The following TSC22D2 variants were observed in gnomAD, a reference collection of about 807,000 sequenced individuals.
The protein encoded by TSC22D2 is TSC22 domain family member 2.
Under a neutral mutation model 50.1 loss-of-function variants are expected in TSC22D2, and 5 were observed. That is an observed-to-expected ratio of 0.10 (90% CI 0.05 to 0.21). The LOEUF (loss-of-function observed/expected upper bound fraction) is 0.21, where lower values mean the gene tolerates loss of function less well. Among genes scored for constraint, TSC22D2 ranks in the 10% least tolerant of loss-of-function variants. The probability of loss-of-function intolerance (pLI) is 1.00; values close to 1 mark genes in which losing one functional copy is unlikely to be tolerated. For synonymous variants in TSC22D2, 501 were observed against 450.1 expected (o/e 1.11, Z -1.43); for missense variants, 1,003 against 1,015.5 (o/e 0.99, Z 0.17).
In TSC22D2 at chr3:150,463,981, T is replaced by A. The variant is rs1193116050; in HGVS notation, c.*5345T>A. The stretch of plus-strand genomic sequence containing the variant: ...GTCATGGGTCCATAGTATTTAAGTT[T>A]ACAGACTACAACATTGTCCACAGAA... On this transcript the variant is annotated 3_prime_UTR_variant, in exon 3 of 3. Transcript: ENST00000688009. 2 of 152,200 alleles carry A rather than the reference T, an allele frequency of 1.3e-5. No individual in the cohort carries two copies. The highest frequency in any genetic ancestry group is 4.8e-5 in the African/African-American group (2 of 41,448). 9.4% of individuals were successfully genotyped at this position (152,200 alleles called of 1,614,324 possible). A position where few individuals can be genotyped will look rare whatever the true frequency, so the allele number is the denominator to read the frequency against.
chr3:150,448,899 TAG>T (rs1168621798), intron 1 of TSC22D2, among the ~76,000 whole-genome samples: 2 of 150,524 alleles, frequency 1.3e-5, no homozygotes, highest in South Asian at 2.1e-4. Flanking sequence ...TATATATAAT[TAG>T]GGGATAAATT....
chr3:150,459,996 CATAA>C lies in TSC22D2; in HGVS notation c.*1364_*1367del, dbSNP rs1224138139. The C allele has an allele frequency of 5.3e-5, 8 of 152,132 alleles. No individual in the cohort carries two copies. The highest frequency in any genetic ancestry group is 1.7e-4 in the African/African-American group (7 of 41,518). 9.4% of individuals were successfully genotyped at this position (152,132 alleles called of 1,614,324 possible). A position where few individuals can be genotyped will look rare whatever the true frequency, so the allele number is the denominator to read the frequency against. Reference sequence around the variant, plus strand: ...AGTATTTAAATTAAAATGTACATTTCATAAATACAGTTTCAAAAGAAAGCATCAT... The same window carrying C: ...AGTATTTAAATTAAAATGTACATTTCATACAGTTTCAAAAGAAAGCATCAT... On this transcript the variant is annotated 3_prime_UTR_variant, in exon 3 of 3. Transcript: ENST00000688009.
intron 1 of TSC22D2, among the ~76,000 whole-genome samples, chr3:150,445,104 A>G (rs555020744): frequency 3.5e-4 from 53 of 152,058 alleles, no homozygotes; most frequent in Non-Finnish European, 7.4e-4. Flanking sequence ...AATTTCCCAC[A>G]GTAAGTTAAG....
At chr3:150,413,386 A>G (rs1487302639) in intron 1 of TSC22D2, among the ~76,000 whole-genome samples, 2 of 152,234 alleles carry the variant, frequency 1.3e-5, no homozygotes, top group East Asian at 3.9e-4. Flanking sequence ...TTTAAAATCT[A>G]CATTGCTTAC....
At chr3:150,452,019 T>C (rs1461133138) in intron 1 of TSC22D2, among the ~76,000 whole-genome samples, 4 of 151,770 alleles carry the variant, frequency 2.6e-5, no homozygotes, top group Admixed American at 1.3e-4. Flanking sequence ...CTTTTCTCTT[T>C]TCTTTCTTTT....
At chr3:150,452,326 T>C (rs937452965) in intron 1 of TSC22D2, among the ~76,000 whole-genome samples, 1 of 151,720 alleles carries the variant, frequency 6.6e-6, no homozygotes, top group African/African-American at 2.4e-5. Flanking sequence ...ATACCTGTAA[T>C]CCCAGCTACT....
At position 150,462,019 on chromosome 3, in the gene TSC22D2, A is replaced by G. The variant is rs572104524; in HGVS notation, c.*3383A>G. ...GCAAGCACTTTGTGACATTTCTTTA[A>G]TAATCCTATGAAAAGGACAAAACCC... is the stretch of plus-strand genomic sequence containing the variant. On this transcript the variant is annotated 3_prime_UTR_variant, in exon 3 of 3. Coordinates refer to ENST00000688009, the MANE Select transcript of TSC22D2 (RefSeq NM_001303264.2). 3.3e-5 allele frequency: 5 copies of G among 152,310 alleles called. No homozygotes were observed. In the South Asian group the frequency reaches 1.0e-3, roughly 32 times the overall value. The allele number at this position is 152,310 out of a possible 1,614,324, so 9.4% of individuals were successfully genotyped here.
intron 1 of TSC22D2, among the ~76,000 whole-genome samples, chr3:150,445,325 T>TAA (rs1553732235): frequency 1.2e-5 from 1 of 84,426 alleles, no homozygotes; most frequent in Admixed American, 1.1e-4. Flanking sequence ...AAAATAATAA[T>TAA]AATAATAATA....
rs560246768 is a variant in TSC22D2 at position 150,412,418 on chromosome 3, A to G, written c.1958+1110A>G. Reference sequence around the variant, plus strand: ...ATTTCCAGAATAATTAGTATGTGGAAGAATACAATGACATGTATGTTAAAG... The same window carrying G: ...ATTTCCAGAATAATTAGTATGTGGAGGAATACAATGACATGTATGTTAAAG... On this transcript the variant is annotated intron_variant, in intron 1 of 2. Coordinates refer to ENST00000688009, the MANE Select transcript of TSC22D2 (RefSeq NM_001303264.2). Among the ~76,000 whole-genome samples, 330 of 152,368 alleles carry G rather than the reference A, an allele frequency of 2.2e-3. 2 individuals carry two copies. Among genetic ancestry groups the G allele is most frequent in the Non-Finnish European group, 3.5e-3 (237 of 68,034 alleles).
intron 1 of TSC22D2, chr3:150,456,803 T>C (rs1721205836): frequency 2.8e-6 from 1 of 355,816 alleles, no homozygotes; most frequent in Admixed American, 4.6e-5. Context: ...AAATTCTTAA[T>C]ACAATTGAGA....
At chr3:150,417,645 A>C (rs543350439) in intron 1 of TSC22D2, among the ~76,000 whole-genome samples, 17 of 152,134 alleles carry the variant, frequency 1.1e-4, no homozygotes, top group East Asian at 1.9e-4. Context: ...TTAAGGAATT[A>C]AATGATGTGT....
At chr3:150,442,307 AC>A (rs1720744584) in intron 1 of TSC22D2, among the ~76,000 whole-genome samples, 1 of 152,166 alleles carries the variant, frequency 6.6e-6, no homozygotes, top group South Asian at 2.1e-4. Flanking sequence ...TTGTAAACTC[AC>A]AAACTCTGGA....
Position 150,459,586 on chromosome 3 carries a change from G to GTTTTTTTTTTTTTT in TSC22D2, c.*951_*952insTTTTTTTTTTTTTT, listed in dbSNP as rs1721314104. On this transcript the variant is annotated 3_prime_UTR_variant, in exon 3 of 3. Coordinates refer to ENST00000688009, the MANE Select transcript of TSC22D2 (RefSeq NM_001303264.2). ...TTTTTTTTGTTGTTTTTTTTTTTTTGTCTTTTTTTTTTTTTATAATGCACA... is the reference window on the plus strand; with the variant it reads ...TTTTTTTTGTTGTTTTTTTTTTTTTGTTTTTTTTTTTTTTTCTTTTTTTTTTTTTATAATGCACA... 1.0e-4 allele frequency: 8 copies of GTTTTTTTTTTTTTT among 78,336 alleles called. No individual in the cohort carries two copies. Among genetic ancestry groups the GTTTTTTTTTTTTTT allele is most frequent in the East Asian group, 7.7e-4 (2 of 2,614 alleles). 4.9% of individuals were successfully genotyped at this position (78,336 alleles called of 1,614,324 possible).
chr3:150,443,903 T>C (rs1720796047), intron 1 of TSC22D2, among the ~76,000 whole-genome samples: 1 of 152,230 alleles, frequency 6.6e-6, no homozygotes, highest in Non-Finnish European at 1.5e-5. Context: ...GTTTTTAACA[T>C]CCACTTTATT....
chr3:150,416,664 G>A (rs28517277), intron 1 of TSC22D2, among the ~76,000 whole-genome samples: 37,152 of 151,950 alleles, frequency 0.24, 4,739 homozygotes, highest in Middle Eastern at 0.41. Context: ...CAAAAACTGG[G>A]TGTCCCTCAT....
intron 1 of TSC22D2, chr3:150,438,069 G>A (rs900281475): frequency 4.6e-6 from 1 of 218,324 alleles, no homozygotes; most frequent in African/African-American, 2.3e-5. Context: ...GATCAAATAT[G>A]AAATTTATTT....
intron 1 of TSC22D2, among the ~76,000 whole-genome samples, chr3:150,413,785 CTG>C (rs1474335530): frequency 1.3e-5 from 2 of 151,906 alleles, no homozygotes; most frequent in Non-Finnish European, 2.9e-5. Flanking sequence ...ATAAAACCAA[CTG>C]GAGTGAGAGG....
chr3:150,455,650 G>GAAT (rs1721163434), intron 1 of TSC22D2, among the ~76,000 whole-genome samples: 2 of 152,216 alleles, frequency 1.3e-5, no homozygotes, highest in Non-Finnish European at 2.9e-5. Flanking sequence ...CATAGGAAGT[G>GAAT]AATAGCAGGA....
intron 1 of TSC22D2, among the ~76,000 whole-genome samples, chr3:150,434,881 C>A (rs949507117): frequency 2.0e-5 from 3 of 151,874 alleles, no homozygotes; most frequent in African/African-American, 7.3e-5. Flanking sequence ...TAGTTTCTGG[C>A]ATAGCTAATT....
Sources: allele counts gnomAD v4.1 joint callset (sites outside exome capture counted in the v4.1 genomes callset), GRCh38; gene constraint gnomAD v4.1.1; transcripts MANE v1.5; gene names NCBI Gene and HGNC (gene_info 2026-07-23, HGNC 2026-07-21).